The following CEACAM18 variants were observed in gnomAD, a reference collection of about 807,000 sequenced individuals.
The protein encoded by CEACAM18 is cell adhesion molecule CEACAM18.
Under a neutral mutation model 34.3 loss-of-function variants are expected in CEACAM18, and 33 were observed. That is an observed-to-expected ratio of 0.96 (90% CI 0.73 to 1.29). The LOEUF (loss-of-function observed/expected upper bound fraction) is 1.29. Among genes scored for constraint, CEACAM18 ranks in the 50% most tolerant of loss-of-function variants. CEACAM18 has a pLI of 0.00. For synonymous variants in CEACAM18, 169 were observed against 180.9 expected (o/e 0.93, Z 0.53); for missense variants, 474 against 485.0 (o/e 0.98, Z 0.21).
chr19:51,491,173 G>C (rs1398228596), downstream of CEACAM18, among the ~76,000 whole-genome samples: 2 of 151,672 alleles, frequency 1.3e-5, no homozygotes, highest in Non-Finnish European at 2.9e-5. Flanking sequence ...TGGAACCATC[G>C]TCAGCATGAT....
intron 4 of CEACAM18, among the ~76,000 whole-genome samples, chr19:51,484,625 T>A (rs1274622943): frequency 3.0e-5 from 3 of 100,466 alleles, no homozygotes; most frequent in African/African-American, 9.5e-5. Context: ...GTGTAGCACA[T>A]AGTTGGTGCT....
intron 5 of CEACAM18, among the ~76,000 whole-genome samples, chr19:51,487,489 A>C (rs896627965): frequency 6.6e-6 from 1 of 152,090 alleles, no homozygotes. Flanking sequence ...TAAATAGGCC[A>C]GGCACAGTGG....
chr19:51,478,562 G>C, upstream of CEACAM18: 1 of 1,275,282 alleles, frequency 7.8e-7, no homozygotes, highest in Non-Finnish European at 1.1e-6. Context: ...TCTGTGCCAG[G>C]AGACACAGGT....
At chr19:51,478,550 C>A, upstream of CEACAM18, 1 of 1,157,412 alleles carries the variant, frequency 8.6e-7, no homozygotes, top group Non-Finnish European at 1.3e-6. Context: ...AGACCGGCAG[C>A]CTCTGTGCCA....
exon 1 of CEACAM18, chr19:51,478,653 C>T: frequency 6.5e-7 from 1 of 1,529,342 alleles, no homozygotes; most frequent in Non-Finnish European, 8.8e-7. Flanking sequence ...ATGGACCTTT[C>T]CAGACCCAGA....
chr19:51,488,905 T>A (rs1990044903), intron 5 of CEACAM18, among the ~76,000 whole-genome samples: 1 of 152,076 alleles, frequency 6.6e-6, no homozygotes, highest in African/African-American at 2.4e-5. Flanking sequence ...ACGACTATCT[T>A]GATATAAACA....
chr19:51,482,087 CTCTT>C (rs1392077879), intron 3 of CEACAM18, among the ~76,000 whole-genome samples: 1 of 152,174 alleles, frequency 6.6e-6, no homozygotes, highest in Non-Finnish European at 1.5e-5. Context: ...CCCTGTCACT[CTCTT>C]TCACTGAAAC....
rs776306792 is a variant in CEACAM18, at chr19:51,490,501, G to A, written c.1090-86G>A. 7.8e-6 allele frequency: 9 copies of A among 1,154,804 alleles called. No individual in the cohort carries two copies. In the African/African-American group the frequency reaches 9.6e-5, roughly 12 times the overall value. 71.5% of individuals were successfully genotyped at this position (1,154,804 alleles called of 1,614,324 possible). A position where few individuals can be genotyped will look rare whatever the true frequency, so the allele number is the denominator to read the frequency against. ...TTAGGCTTGGACTTGGTGGGAAGTC[G>A]GGCCCCTTCACCTCTCTCTATCCAG... On this transcript the variant is annotated intron_variant, in intron 5 of 5. Transcript: ENST00000396477.
chr19:51,481,390 C>T lies in CEACAM18; in HGVS notation c.401-3C>T, dbSNP rs1352326511. The T allele has an allele frequency of 1.2e-6, 2 of 1,612,886 alleles. No homozygotes were observed. The highest frequency in any genetic ancestry group is 1.7e-6 in the Non-Finnish European group (2 of 1,179,284). On this transcript the variant is annotated splice_region_variant and splice_polypyrimidine_tract_variant and intron_variant, in intron 2 of 5. Transcript: ENST00000396477. ...ATTTTTTTCTCTTTCCTGCTTCACC[C>T]AGAGTTGGGAAGCAATCTGGGCATC...
In CEACAM18 at chr19:51,480,809, C is replaced by A. The variant is rs1004019269; in HGVS notation, c.400+129C>A. 2.1e-5 allele frequency: 17 copies of A among 811,000 alleles called. No individual in the cohort carries two copies. In the African/African-American group the frequency reaches 2.8e-4, roughly 13 times the overall value. The allele number at this position is 811,000 out of a possible 1,614,324, so 50.2% of individuals were successfully genotyped here. A position where few individuals can be genotyped will look rare whatever the true frequency, so the allele number is the denominator to read the frequency against. ...CGGAGCCGCCCTGGAATCTTGTGTA[C>A]CATGGACAGCTCCTGGGGGATCTGA... On this transcript the variant is annotated intron_variant, in intron 2 of 5. Transcript: ENST00000396477.
At chr19:51,485,251 T>A in intron 5 of CEACAM18, 129 bp downstream of exon 5, 1 of 942,014 alleles carries the variant, frequency 1.1e-6, no homozygotes, top group Non-Finnish European at 1.5e-6. Context: ...TTGTCAGGGA[T>A]CATCTGGGGC....
exon 2 of CEACAM18, chr19:51,480,569 G>A (rs765961156): frequency 1.9e-5 from 30 of 1,613,928 alleles, no homozygotes; most frequent in Non-Finnish European, 2.5e-5. Context: ...AGTGAACAGA[G>A]AAGGCAGCCT....
At chr19:51,489,030 T>G (rs149270625) in intron 5 of CEACAM18, among the ~76,000 whole-genome samples, 1 of 151,828 alleles carries the variant, frequency 6.6e-6, no homozygotes, top group East Asian at 2.0e-4. Flanking sequence ...CTGTCCATAA[T>G]GATCCTGCTT....
upstream of CEACAM18, chr19:51,478,567 A>T (rs201348861): frequency 1.3e-4 from 178 of 1,334,176 alleles, no homozygotes; most frequent in South Asian, 2.0e-3. Flanking sequence ...GCCAGGAGAC[A>T]CAGGTCTTGG....
At chr19:51,481,810 C>T in intron 3 of CEACAM18, 145 bp downstream of exon 3, 1 of 841,876 alleles carries the variant, frequency 1.2e-6, no homozygotes, top group South Asian at 1.9e-5. Context: ...GGAATCAGCT[C>T]AGGCTCTTGA....
In CEACAM18 at chr19:51,480,421, G is replaced by A. The variant is rs1187192361; in HGVS notation, c.141G>A (p.Val47=). 3 of 1,613,250 alleles carry A rather than the reference G, an allele frequency of 1.9e-6. No homozygotes were observed. The East Asian group carries it at 6.7e-5, about 36-fold the overall frequency. ...GGATCAAGGGATATCGGACTGTCGT[G>A]GCCCTGGATAAGGTCCCTGAGGATG... The change falls in exon 2 of 6, where the codon GTG becomes GTA. Residue 47 remains valine (V), a synonymous_variant. Coordinates refer to ENST00000396477, the Ensembl canonical transcript of CEACAM18.
chr19:51,483,609 G>A (rs1192834543), intron 4 of CEACAM18, among the ~76,000 whole-genome samples: 2 of 152,204 alleles, frequency 1.3e-5, no homozygotes, highest in African/African-American at 4.8e-5. Flanking sequence ...AAGTGAATGC[G>A]ATTGGCATCA....
intron 4 of CEACAM18, among the ~76,000 whole-genome samples, chr19:51,484,344 C>G (rs927585051): frequency 1.1e-4 from 16 of 149,856 alleles, no homozygotes; most frequent in African/African-American, 3.7e-4. Flanking sequence ...AACAGAGTCT[C>G]GCTCTGTTGC....
At chr19:51,489,761 C>A (rs1990059989) in intron 5 of CEACAM18, among the ~76,000 whole-genome samples, 1 of 152,136 alleles carries the variant, frequency 6.6e-6, no homozygotes, top group African/African-American at 2.4e-5. Context: ...ATAAAGTAAG[C>A]TCTTAGTAGT....
Sources: gnomAD v4.1 joint callset for allele counts (sites outside exome capture counted in the v4.1 genomes callset) on GRCh38, gnomAD v4.1.1 for gene constraint, MANE v1.5 for transcripts, NCBI Gene and HGNC (gene_info 2026-07-23, HGNC 2026-07-21) for gene names.